Variants in USP42 observed in about 807,000 individuals in gnomAD.
USP42 encodes the protein ubiquitin specific peptidase 42.
Under a neutral mutation model 113.0 loss-of-function variants are expected in USP42, and 23 were observed. That is an observed-to-expected ratio of 0.20 (90% CI 0.15 to 0.29). The LOEUF (loss-of-function observed/expected upper bound fraction) is 0.29. Ranked by LOEUF, USP42 falls within the 10% of genes least tolerant of loss-of-function variation. The pLI is 1.00. For synonymous variants in USP42, 933 were observed against 699.0 expected, an observed-to-expected ratio of 1.33 and a Z score of -5.28; for missense variants, 2,174 against 1,779.8, an observed-to-expected ratio of 1.22 and a Z score of -3.99.
At chr7:6,112,404 C>G (rs192471577) in intron 2 of USP42, among the ~76,000 whole-genome samples, 4 of 151,790 alleles carry the variant, frequency 2.6e-5, no homozygotes, top group South Asian at 2.1e-4. Context: ...AGCCCAAGAT[C>G]GCACCATTGC....
At position 6,154,997 on chromosome 7, in the gene USP42, C is replaced by T; in HGVS notation, c.3443C>T (p.Ser1148Phe). 5 of 1,564,558 alleles carry T rather than the reference C, an allele frequency of 3.2e-6. No homozygotes were observed. Among genetic ancestry groups the T allele is most frequent in the Non-Finnish European group, 4.3e-6 (5 of 1,154,194 alleles). ...GTAGCCGGAGACAACTGTAACCTCT[C>T]TGATCGGTTTCACGAACACGAAAAT... The part of the protein sequence containing the change: ...ALVAGDNCNL[S>F]DRFHEHENGK... The change falls in exon 15 of 18, where the codon TCT becomes TTT. Residue 1148 changes from serine (S) to phenylalanine (F), a missense_variant. By Grantham distance (155) the Ser-to-Phe change is radical (BLOSUM62 -2). Transcript: ENST00000306177.
At position 6,156,875 on chromosome 7, in the gene USP42, G is replaced by A; in HGVS notation, c.3763G>A (p.Glu1255Lys). 1 of 1,613,152 alleles carries A rather than the reference G, an allele frequency of 6.2e-7. No homozygotes were observed. The highest frequency in any genetic ancestry group is 8.5e-7 in the Non-Finnish European group (1 of 1,179,714). The change falls in exon 16 of 18, where the codon GAA becomes AAA. Residue 1255 changes from glutamate to lysine, a missense_variant. Glu to Lys is a moderately conservative substitution (Grantham distance 56, BLOSUM62 1). Coordinates refer to ENST00000306177, the MANE Select transcript of USP42 (RefSeq NM_032172.3). ...RKSEDFVKDS[E>K]LHLPRVTSLE... ...ATCAGAGGACTTTGTTAAAGATTCA[G>A]AACTGCACTTACCCAGGGTCACCAG...
In USP42 at chr7:6,153,848, C is replaced by T. The variant is rs779190626; in HGVS notation, c.2294C>T (p.Ala765Val). ...PAAESLEEPD[A>V]AAGLSSTKKA... Reference sequence around the variant, plus strand: ...GCCGAATCCCTGGAGGAGCCAGATGCGGCCGCCGGCCTCAGCAGCACCAAG... The same window carrying T: ...GCCGAATCCCTGGAGGAGCCAGATGTGGCCGCCGGCCTCAGCAGCACCAAG... The change falls in exon 15 of 18, where the codon GCG (alanine) becomes GTG (valine). Residue 765 changes from alanine (A) to valine (V), a missense_variant. Coordinates refer to ENST00000306177, the MANE Select transcript of USP42 (RefSeq NM_032172.3). The T allele has an allele frequency of 7.1e-6, 11 of 1,546,502 alleles. No homozygotes were observed. The highest frequency in any genetic ancestry group is 2.0e-5 in the Admixed American group (1 of 50,704).
At chr7:6,123,539 G>T (rs961728274) in intron 3 of USP42, among the ~76,000 whole-genome samples, 1 of 152,088 alleles carries the variant, frequency 6.6e-6, no homozygotes, top group Non-Finnish European at 1.5e-5. Context: ...GCGGGCGCCT[G>T]TAGTCCCAGC....
rs549232872 is a variant in USP42 at position 6,159,072 on chromosome 7, C to T, written c.3944-378C>T. The stretch of plus-strand genomic sequence containing the variant: ...TTCTGAGAAGGCCGCTGCCCGGCCC[C>T]GCCTCACCCAGCGTCCTGTGGTCCT... On this transcript the variant is annotated intron_variant, in intron 16 of 17. Coordinates refer to ENST00000306177, the MANE Select transcript of USP42 (RefSeq NM_032172.3). This position sits in a 1 kb window ranked among gnomAD's most constrained non-coding sequence, Gnocchi z 4.1. 9.8e-5 allele frequency among the ~76,000 whole-genome samples: 15 copies of T among 152,292 alleles called. No homozygotes were observed. In the South Asian group the frequency reaches 1.2e-3, roughly 13 times the overall value.
In USP42 at chr7:6,147,734, T is replaced by G. The variant is rs1365776887; in HGVS notation, c.1233-5T>G. On this transcript the variant is annotated splice_polypyrimidine_tract_variant and splice_region_variant and intron_variant, in intron 11 of 17. Transcript: ENST00000306177. ...CACCCTAAGTATCGCTCTCCTTGTT[T>G]CCAGGTCCCATGATGTGAAAAATGG... 9.5e-6 allele frequency: 15 copies of G among 1,574,236 alleles called. No homozygotes were observed. The highest frequency in any genetic ancestry group is 2.3e-5 in the East Asian group (1 of 43,898).
At position 6,115,380 on chromosome 7, in the gene USP42, G is replaced by A. The variant is rs377551028; in HGVS notation, c.299G>A (p.Cys100Tyr). 1.4e-5 allele frequency: 22 copies of A among 1,613,914 alleles called. No homozygotes were observed. Among genetic ancestry groups the A allele is most frequent in the East Asian group, 2.2e-5 (1 of 44,894 alleles). ...QKVLFPSEKICLKWQQTHRVG... is the reference protein window; with the variant it reads ...QKVLFPSEKIYLKWQQTHRVG... ...GTTCTTTTCCCATCTGAGAAGATTT[G>A]TCTTAAGTGGCAACAAACTCATAGA... Residue 100 changes from cysteine to tyrosine, a missense_variant, in exon 3 of 18, where the codon TGT (cysteine) becomes TAT (tyrosine). Transcript: ENST00000306177.
chr7:6,153,766 G>T lies in USP42; in HGVS notation c.2212G>T (p.Ala738Ser). The T allele has an allele frequency of 2.0e-6, 3 of 1,466,746 alleles. No homozygotes were observed. In the East Asian group the frequency reaches 7.7e-5, roughly 38 times the overall value. The allele number at this position is 1,466,746 out of a possible 1,614,324, so 90.9% of individuals were successfully genotyped here. The change falls in exon 15 of 18, where the codon GCA (alanine) becomes TCA (serine). Residue 738 changes from alanine (A) to serine (S), a missense_variant. Ala to Ser is a moderately conservative substitution (Grantham distance 99, BLOSUM62 1). Transcript: ENST00000306177. ...GSTDEMSAPG[A>S]ERGPPEDRDA... is the part of the protein sequence containing the mutation. ...GTTTGGGGGCTGCAGTGCACCTGGA[G>T]CAGAGAGGGGCCCTCCCGAGGACCG...
rs778404610 is a variant in USP42, at chr7:6,154,306, C to T, written c.2752C>T (p.Pro918Ser). 2.5e-6 allele frequency: 4 copies of T among 1,583,330 alleles called. No homozygotes were observed. The highest frequency in any genetic ancestry group is 2.3e-5 in the South Asian group (2 of 87,768). ...CGGTCACCCGGAAGGGGACGCTGAGCCTAGCCCCGGCGAGAGGGTCGAGGA... is the reference window on the plus strand; with the variant it reads ...CGGTCACCCGGAAGGGGACGCTGAGTCTAGCCCCGGCGAGAGGGTCGAGGA... Reference protein sequence around the residue: ...PAGHPEGDAEPSPGERVEDAA... With the variant: ...PAGHPEGDAESSPGERVEDAA... Residue 918 changes from proline to serine, a missense_variant, in exon 15 of 18, where the codon CCT becomes TCT. Transcript: ENST00000306177.
rs749221442 is a variant in USP42 at position 6,158,414 on chromosome 7, C to A, written c.3944-1036C>A. On this transcript the variant is annotated intron_variant, in intron 16 of 17. Coordinates refer to ENST00000306177, the MANE Select transcript of USP42 (RefSeq NM_032172.3). The surrounding 1 kb of genome is among the most constrained non-coding windows in gnomAD (Gnocchi z 4.2). ...AGGGGCTTTTGACGAATCTTCAGGG[C>A]TGCCCTGAGGCCTTTTGCTTCTCGG... Among the ~76,000 whole-genome samples, 2 of 152,230 alleles carry A rather than the reference C, an allele frequency of 1.3e-5. No individual in the cohort carries two copies. Among genetic ancestry groups the A allele is most frequent in the Non-Finnish European group, 2.9e-5 (2 of 68,044 alleles).
At chr7:6,131,550 G>T (rs1237714084) in intron 3 of USP42, among the ~76,000 whole-genome samples, 1 of 152,144 alleles carries the variant, frequency 6.6e-6, no homozygotes, top group African/African-American at 2.4e-5. Context: ...GTAGAGCAAT[G>T]ATTTCTAAAG....
At chr7:6,144,245 C>A in intron 9 of USP42, 49 bp downstream of exon 9, 1 of 1,251,504 alleles carries the variant, frequency 8.0e-7, no homozygotes, top group Non-Finnish European at 1.1e-6. Context: ...CCTTTCGAAG[C>A]TTAACGTGTC....
chr7:6,103,623 T>C (rs1198891617), upstream of USP42, among the ~76,000 whole-genome samples: 1 of 149,162 alleles, frequency 6.7e-6, no homozygotes, highest in African/African-American at 2.5e-5. Flanking sequence ...GCATCAGGTC[T>C]TGGGCGGTGG....
At chr7:6,094,699 A>G in the USP42 span, among the ~76,000 whole-genome samples, 1 of 151,060 alleles carries the variant, frequency 6.6e-6, no homozygotes, top group Non-Finnish European at 1.5e-5. Flanking sequence ...CCCTCTGAGC[A>G]TGGCACTATT....
In USP42 at chr7:6,111,288, T is replaced by G. The variant is rs1779583124; in HGVS notation, c.155T>G (p.Leu52Arg). Residue 52 changes from leucine to arginine, a missense_variant, in exon 2 of 18, where the codon CTT (leucine) becomes CGT (arginine). By Grantham distance (102) the Leu-to-Arg change is moderately radical. Coordinates refer to ENST00000306177, the MANE Select transcript of USP42 (RefSeq NM_032172.3). Reference sequence around the variant, plus strand: ...TTGAATGATGTGTCAAATCACACACTTTCTTTAGGACCAGTACCTGGTGCT... The same window carrying G: ...TTGAATGATGTGTCAAATCACACACGTTCTTTAGGACCAGTACCTGGTGCT... ...SSLNDVSNHT[L>R]SLGPVPGAVV... The G allele has an allele frequency of 1.9e-6, 3 of 1,607,588 alleles. No individual in the cohort carries two copies. The highest frequency in any genetic ancestry group is 2.5e-6 in the Non-Finnish European group (3 of 1,176,702).
the USP42 span, among the ~76,000 whole-genome samples, chr7:6,082,729 G>A: frequency 2.1e-5 from 3 of 142,514 alleles, no homozygotes; most frequent in Non-Finnish European, 4.5e-5. Flanking sequence ...TCCTATCTGA[G>A]CCTCCGTAGT....
At chr7:6,117,699 A>G (rs1779990251) in intron 3 of USP42, among the ~76,000 whole-genome samples, 1 of 152,108 alleles carries the variant, frequency 6.6e-6, no homozygotes, top group African/African-American at 2.4e-5. Flanking sequence ...ATCCTTCCCA[A>G]TACTTGGTGG....
chr7:6,102,804 CTT>C (rs1207054892), upstream of USP42, among the ~76,000 whole-genome samples: 1 of 150,914 alleles, frequency 6.6e-6, no homozygotes, highest in Non-Finnish European at 1.5e-5. Context: ...GGAATTTAGA[CTT>C]TGCTGTGAGC....
At chr7:6,146,622 G>A (rs1367432802) in intron 11 of USP42, among the ~76,000 whole-genome samples, 1 of 152,128 alleles carries the variant, frequency 6.6e-6, no homozygotes, top group African/African-American at 2.4e-5. Flanking sequence ...CCATGATTGA[G>A]CCACTGCATT....
Sources: allele counts gnomAD v4.1 joint callset (sites outside exome capture counted in the v4.1 genomes callset), GRCh38; gene constraint gnomAD v4.1.1; non-coding constraint Gnocchi (gnomAD v3.1); transcripts MANE v1.5; gene names NCBI Gene and HGNC (gene_info 2026-07-23, HGNC 2026-07-21).